The following CAMTA2 variants were observed in gnomAD, a reference collection of about 807,000 sequenced individuals.
CAMTA2 encodes the protein calmodulin binding transcription activator 2, also known as calmodulin-binding transcription activator 2.
A neutral mutation model predicts 135.7 loss-of-function variants in CAMTA2; 56 were observed. That is an observed-to-expected ratio of 0.41 (90% CI 0.33 to 0.52). The LOEUF (loss-of-function observed/expected upper bound fraction) is 0.52, where lower values mean the gene tolerates loss of function less well. Among genes scored for constraint, CAMTA2 ranks in the 20% least tolerant of loss-of-function variants. The probability of loss-of-function intolerance (pLI) is 0.16; values close to 1 mark genes in which losing one functional copy is unlikely to be tolerated. For missense variants in CAMTA2, 1,358 were observed against 1,553.4 expected, an observed-to-expected ratio of 0.87 and a Z score of 2.11; for synonymous variants, 591 against 604.6, an observed-to-expected ratio of 0.98 and a Z score of 0.33.
intron 10 of CAMTA2, 24 bp downstream of exon 10, chr17:4,978,480 C>G: frequency 6.2e-7 from 1 of 1,611,704 alleles, no homozygotes; most frequent in Non-Finnish European, 8.5e-7. Flanking sequence ...CAGTCCCTCC[C>G]CCTACGGTTC....
chr17:4,987,270 C>T, intron 1 of CAMTA2: 2 of 1,342,076 alleles, frequency 1.5e-6, no homozygotes, highest in Middle Eastern at 2.8e-4. Context: ...CCAGGAGAAC[C>T]TCCGAGGTGG....
intron 11 of CAMTA2, 55 bp downstream of exon 11, chr17:4,977,003 G>A (rs371333413): frequency 1.9e-6 from 3 of 1,595,188 alleles, no homozygotes; most frequent in South Asian, 1.1e-5. Flanking sequence ...CTAGGAGCAT[G>A]TCATGCTTAA....
chr17:4,973,056 G>A, intron 14 of CAMTA2, 65 bp from the exon 15 acceptor site: 1 of 1,513,882 alleles, frequency 6.6e-7, no homozygotes, highest in Non-Finnish European at 9.2e-7. Context: ...CTTCCTCCAG[G>A]TAGTCAGGTC....
chr17:4,969,236 A>G lies in CAMTA2; in HGVS notation c.3384T>C (p.Ala1128=). The change falls in exon 21 of 23, where the codon GCT becomes GCC. Residue 1128 remains alanine, a synonymous_variant. Transcript: ENST00000348066. The surrounding 1 kb of genome is among the most constrained non-coding windows in gnomAD (Gnocchi z 5.6). ...AGCGGTAGTGCTGCTGGATGAGCAC[A>G]GCCGCTCGGCGGCTCTGCTGAAATC... ...QKRFQQSRRA[A]VLIQQHYRSY... The G allele has an allele frequency of 6.2e-7, 1 of 1,613,714 alleles. No homozygotes were observed. Among genetic ancestry groups the G allele is most frequent in the Middle Eastern group, 1.7e-4 (1 of 6,060 alleles).
At chr17:4,987,485 C>G in intron 1 of CAMTA2, 108 bp downstream of exon 1, 1 of 1,405,700 alleles carries the variant, frequency 7.1e-7, no homozygotes, top group Non-Finnish European at 9.3e-7. Context: ...GAGGGCGAAC[C>G]GGGAAGAGGG....
At position 4,969,039 on chromosome 17, in the gene CAMTA2, C is replaced by G. The variant is rs2151155456; in HGVS notation, c.3471-58G>C. 2 of 1,594,786 alleles carry G rather than the reference C, an allele frequency of 1.3e-6. No individual in the cohort carries two copies. Among genetic ancestry groups the G allele is most frequent in the East Asian group, 2.2e-5 (1 of 44,744 alleles). On this transcript the variant is annotated intron_variant, in intron 21 of 22. Coordinates refer to ENST00000348066, the MANE Select transcript of CAMTA2 (RefSeq NM_015099.4). This position sits in a 1 kb window ranked among gnomAD's most constrained non-coding sequence, Gnocchi z 5.6. ...AAGGCATCGCATGCCTTCGGCCCCC[C>G]CAGGAACCCTAGGCAGGGAATGGCA...
intron 16 of CAMTA2, 110 bp from the exon 17 acceptor site, chr17:4,970,646 G>T: frequency 1.1e-6 from 1 of 874,030 alleles, no homozygotes; most frequent in Non-Finnish European, 1.8e-6. Flanking sequence ...TGCTAACCCT[G>T]TCTTTCTGGG....
Position 4,982,140 on chromosome 17 carries a change from A to G in CAMTA2, c.360T>C (p.Val120=). Residue 120 remains valine (V), a synonymous_variant, in exon 6 of 23, where the codon GTT becomes GTC. Transcript: ENST00000348066. Reference sequence around the variant, plus strand: ...GGAATGTGGGGACGATGGAAGAGTGAACGTAGCAGCCATAGAGACACTGCC... The same window carrying G: ...GGAATGTGGGGACGATGGAAGAGTGGACGTAGCAGCCATAGAGACACTGCC... ...QGMECLYGCY[V]HSSIVPTFHR... 7.0e-7 allele frequency: 1 copy of G among 1,431,008 alleles called. No homozygotes were observed. Among genetic ancestry groups the G allele is most frequent in the African/African-American group, 1.5e-5 (1 of 68,286 alleles). The allele number at this position is 1,431,008 out of a possible 1,614,324, so 88.6% of individuals were successfully genotyped here. A position where few individuals can be genotyped will look rare whatever the true frequency, so the allele number is the denominator to read the frequency against.
chr17:4,972,385 G>A lies in CAMTA2; in HGVS notation c.2655C>T (p.Ser885=). ...TMEDMAPGQL[S]SGVPEAPLLL... is the part of the protein sequence containing the mutation. ...GTAGGGGGGCTTCTGGGACACCAGA[G>A]GAAAGCTGGCCTGGGGCCATGTCCT... Residue 885 remains serine, a synonymous_variant, in exon 16 of 23, where the codon TCC becomes TCT. Transcript: ENST00000348066. The A allele has an allele frequency of 6.2e-7, 1 of 1,614,066 alleles. No homozygotes were observed. The highest frequency in any genetic ancestry group is 8.5e-7 in the Non-Finnish European group (1 of 1,179,930).
chr17:4,984,482 C>T (rs1973146466), intron 3 of CAMTA2, among the ~76,000 whole-genome samples: 1 of 152,196 alleles, frequency 6.6e-6, no homozygotes, highest in African/African-American at 2.4e-5. Context: ...TAAACCAAAC[C>T]CCTTTTCAGA....
rs7405537 is a variant in CAMTA2 at position 4,985,030 on chromosome 17, A to T, written c.135+850T>A. On this transcript the variant is annotated intron_variant, in intron 3 of 22. Transcript: ENST00000348066. The stretch of plus-strand genomic sequence containing the variant: ...AGACTCCATCTCAAAAAAAAAACAA[A>T]CAAAAATTAGCCGGGCGTGGAGGCA... 3.8e-4 allele frequency among the ~76,000 whole-genome samples: 56 copies of T among 147,040 alleles called. 1 individual carries two copies. The highest frequency in any genetic ancestry group is 5.4e-4 in the Admixed American group (8 of 14,818).
Position 4,968,804 on chromosome 17 carries a change from C to T in CAMTA2, c.3561G>A (p.Lys1187=). 1.2e-6 allele frequency: 2 copies of T among 1,614,196 alleles called. No homozygotes were observed. The highest frequency in any genetic ancestry group is 1.7e-6 in the Non-Finnish European group (2 of 1,180,024). The change falls in exon 23 of 23, where the codon AAG becomes AAA. Residue 1187 remains lysine (K), a synonymous_variant. Coordinates refer to ENST00000348066, the MANE Select transcript of CAMTA2 (RefSeq NM_015099.4). ...GAAGCCCTTCCAGCTCCTGGTTCTGCTTCAGTTCCCTCATCCTGCAGAGAG... is the reference window on the plus strand; with the variant it reads ...GAAGCCCTTCCAGCTCCTGGTTCTGTTTCAGTTCCCTCATCCTGCAGAGAG... The part of the protein sequence containing the change: ...RRCRHRMREL[K]QNQELEGLPQ...
chr17:4,973,271 GAGAC>G lies in CAMTA2; in HGVS notation c.2202-22_2202-19del. ...CCACACTCCTGGAGGGTTTGGGAGA[GAGAC>G]AGCAGAGCCCAATGAGGGAAAAAGT... On this transcript the variant is annotated intron_variant, in intron 13 of 22. Coordinates refer to ENST00000348066, the MANE Select transcript of CAMTA2 (RefSeq NM_015099.4). 6.3e-7 allele frequency: 1 copy of G among 1,598,794 alleles called. No homozygotes were observed. The highest frequency in any genetic ancestry group is 8.6e-7 in the Non-Finnish European group (1 of 1,166,054).
At position 4,974,123 on chromosome 17, in the gene CAMTA2, G is replaced by A. The variant is rs184529372; in HGVS notation, c.2016+262C>T. 1.6e-3 allele frequency: 857 copies of A among 540,328 alleles called. 8 individuals carry two copies. Among genetic ancestry groups the A allele is most frequent in the Admixed American group, 0.014 (426 of 30,508 alleles). 33.5% of individuals were successfully genotyped at this position (540,328 alleles called of 1,614,324 possible). On this transcript the variant is annotated intron_variant, in intron 12 of 22. Coordinates refer to ENST00000348066, the MANE Select transcript of CAMTA2 (RefSeq NM_015099.4). ...CAGAGATCTGAGCCCCAGTGCTCCT[G>A]ACCCCTCCCCCGCCCTCTCCTTCAC... is the stretch of plus-strand genomic sequence containing the variant.
Position 4,969,652 on chromosome 17 carries a change from C to T in CAMTA2, c.3239G>A (p.Arg1080His), listed in dbSNP as rs200331429. 6.2e-6 allele frequency: 10 copies of T among 1,614,082 alleles called. No homozygotes were observed. The highest frequency in any genetic ancestry group is 7.6e-6 in the Non-Finnish European group (9 of 1,180,014). Residue 1080 changes from arginine (R) to histidine (H), a missense_variant, in exon 19 of 23, where the codon CGC (arginine) becomes CAC (histidine). Physicochemically the swap from Arg to His is conservative, Grantham distance 29 (BLOSUM62 0). Transcript: ENST00000348066. This position sits in a 1 kb window ranked among gnomAD's most constrained non-coding sequence, Gnocchi z 5.6. ...QQEVAAAVIQRCYRKYKQLTW... is the reference protein window; with the variant it reads ...QQEVAAAVIQHCYRKYKQLTW... ...CACCTGCTTGTACTTCCGGTAACAG[C>T]GCTGGATTACAGCTGCTGCTACCTC...
At chr17:4,986,140 T>TG in intron 2 of CAMTA2, 52 bp downstream of exon 2, 1 of 1,181,864 alleles carries the variant, frequency 8.5e-7, no homozygotes, top group Non-Finnish European at 1.3e-6. Context: ...CACTAAAGCG[T>TG]GGGGAGAACG....
In CAMTA2 at chr17:4,986,255, G is replaced by A. The variant is rs758883266; in HGVS notation, c.-33C>T. ...GCTCCAGGGGGCAAGGTCACCCCCG[G>A]CCTGAGGGGCCGGGGGGAGGGGGAG... On this transcript the variant is annotated 5_prime_UTR_variant, in exon 2 of 23. Transcript: ENST00000348066. 2 of 1,566,354 alleles carry A rather than the reference G, an allele frequency of 1.3e-6. No homozygotes were observed. The highest frequency in any genetic ancestry group is 1.7e-6 in the Non-Finnish European group (2 of 1,143,544).
rs1400011919 is a variant in CAMTA2, at chr17:4,972,316, G to A, written c.2724C>T (p.Ser908=). 11 of 1,613,928 alleles carry A rather than the reference G, an allele frequency of 6.8e-6. No individual in the cohort carries two copies. Among genetic ancestry groups the A allele is most frequent in the Non-Finnish European group, 9.3e-6 (11 of 1,179,886 alleles). ...AAGCTGGTGGGAGGGCAGGAAGGGA[G>A]GAGAGGGGCCCCTTGGAGTTGGTAG... The part of the protein sequence containing the change: ...YEATNSKGPL[S]SLPALPPASD... Residue 908 remains serine, a synonymous_variant, in exon 16 of 23, where the codon TCC becomes TCT. Coordinates refer to ENST00000348066, the MANE Select transcript of CAMTA2 (RefSeq NM_015099.4).
intron 1 of CAMTA2, chr17:4,987,092 G>A: frequency 7.2e-7 from 1 of 1,383,698 alleles, no homozygotes; most frequent in Non-Finnish European, 9.3e-7. Context: ...TCGGCTATGT[G>A]CAGTGAAGCT....
Sources: allele counts gnomAD v4.1 joint callset (sites outside exome capture counted in the v4.1 genomes callset), GRCh38; gene constraint gnomAD v4.1.1; non-coding constraint Gnocchi (gnomAD v3.1); transcripts MANE v1.5; gene names NCBI Gene and HGNC (gene_info 2026-07-23, HGNC 2026-07-21).